Variants in SNTB1 observed in about 807,000 individuals in gnomAD.
The protein encoded by SNTB1 is beta-1-syntrophin.
In SNTB1, 36 loss-of-function variants were observed where a neutral mutation model predicts 48.9. That is an observed-to-expected ratio of 0.74 (90% CI 0.56 to 0.97). SNTB1 has a LOEUF of 0.97. SNTB1 is among the 50% of genes least tolerant of loss of function. The pLI, the probability that SNTB1 is intolerant of heterozygous loss-of-function variation, is 0.00. For missense variants in SNTB1, 786 were observed against 703.4 expected (o/e 1.12, Z -1.33); for synonymous variants, 299 against 294.6 (o/e 1.01, Z -0.15).
At chr8:120,621,138 T>G (rs929077603) in intron 3 of SNTB1, among the ~76,000 whole-genome samples, 1 of 152,082 alleles carries the variant, frequency 6.6e-6, no homozygotes, top group Non-Finnish European at 1.5e-5. Flanking sequence ...TTTTGTATTT[T>G]CAGTAGAGAC....
At chr8:120,612,740 A>C (rs1816646330) in intron 3 of SNTB1, among the ~76,000 whole-genome samples, 2 of 152,174 alleles carry the variant, frequency 1.3e-5, no homozygotes, top group Admixed American at 6.5e-5. Flanking sequence ...TTTAGTAGAG[A>C]CAAAAGTACA....
At chr8:120,747,622 A>G (rs887712823) in intron 1 of SNTB1, among the ~76,000 whole-genome samples, 1 of 152,190 alleles carries the variant, frequency 6.6e-6, no homozygotes, top group Non-Finnish European at 1.5e-5. Flanking sequence ...GAACTAAATG[A>G]TGAGAACACA....
intron 1 of SNTB1, among the ~76,000 whole-genome samples, chr8:120,715,501 C>A (rs1818540015): frequency 6.6e-6 from 1 of 151,214 alleles, no homozygotes; most frequent in Non-Finnish European, 1.5e-5. Context: ...TGGTTAAAAA[C>A]AAAAAAAACA....
intron 1 of SNTB1, among the ~76,000 whole-genome samples, chr8:120,780,449 C>T (rs1819814844): frequency 6.6e-6 from 1 of 152,146 alleles, no homozygotes; most frequent in Non-Finnish European, 1.5e-5. Context: ...TTGAGCAGTG[C>T]TCAAAGAAAC....
At chr8:120,753,908 C>T (rs930423484) in intron 1 of SNTB1, among the ~76,000 whole-genome samples, 7 of 152,030 alleles carry the variant, frequency 4.6e-5, no homozygotes, top group South Asian at 2.1e-4. Flanking sequence ...AAGATAGGAG[C>T]GAATTATTCT....
At chr8:120,762,872 T>C (rs1312415820) in intron 1 of SNTB1, among the ~76,000 whole-genome samples, 1 of 152,284 alleles carries the variant, frequency 6.6e-6, no homozygotes, top group East Asian at 1.9e-4. Context: ...ACAAAATAAC[T>C]AATATTTATC....
intron 3 of SNTB1, among the ~76,000 whole-genome samples, chr8:120,616,087 T>A (rs946031179): frequency 6.6e-6 from 1 of 152,146 alleles, no homozygotes; most frequent in Non-Finnish European, 1.5e-5. Context: ...AACAAACTCT[T>A]GTAGGAGTGA....
intron 1 of SNTB1, among the ~76,000 whole-genome samples, chr8:120,722,423 T>C (rs1313181091): frequency 6.6e-6 from 1 of 152,192 alleles, no homozygotes; most frequent in South Asian, 2.1e-4. Context: ...TCCTGACTTT[T>C]TAATGATTGC....
chr8:120,788,755 G>C (rs986267706), intron 1 of SNTB1, among the ~76,000 whole-genome samples: 3 of 152,032 alleles, frequency 2.0e-5, no homozygotes, highest in Non-Finnish European at 2.9e-5. Flanking sequence ...GTTACTATTA[G>C]ATATATGAAA....
At chr8:120,773,281 G>C (rs1819672495) in intron 1 of SNTB1, among the ~76,000 whole-genome samples, 1 of 152,196 alleles carries the variant, frequency 6.6e-6, no homozygotes, top group South Asian at 2.1e-4. Context: ...ACTTTGGAAA[G>C]CTGAGGTAGG....
At chr8:120,682,962 A>G (rs1817960652) in intron 2 of SNTB1, among the ~76,000 whole-genome samples, 2 of 149,316 alleles carry the variant, frequency 1.3e-5, no homozygotes, top group Non-Finnish European at 3.0e-5. Context: ...GCTCACTGCA[A>G]CCTCCGCCTC....
At chr8:120,635,518 C>T (rs992741086) in intron 2 of SNTB1, 1 of 154,356 alleles carries the variant, frequency 6.5e-6, no homozygotes, top group African/African-American at 2.4e-5. Context: ...AAGCAAAGAA[C>T]TGAAGATAAT....
At chr8:120,688,113 A>G (rs1818063416) in intron 2 of SNTB1, among the ~76,000 whole-genome samples, 1 of 152,210 alleles carries the variant, frequency 6.6e-6, no homozygotes, top group Non-Finnish European at 1.5e-5. Flanking sequence ...ATTAATAGAG[A>G]TGTACACTGT....
At chr8:120,694,051 G>C in intron 1 of SNTB1, 143 bp from the exon 2 acceptor site, 1 of 688,004 alleles carries the variant, frequency 1.5e-6, no homozygotes, top group Non-Finnish European at 2.5e-6. Flanking sequence ...TTGAATTTTT[G>C]TTCCACTCAA....
Position 120,693,919 on chromosome 8 carries a change from A to T in SNTB1, c.572-11T>A. ...CTCGCATGTACTTCACTGCAAGGAA[A>T]AAGACAACAAGTGCTTTTAATACAT... On this transcript the variant is annotated splice_polypyrimidine_tract_variant and intron_variant, in intron 1 of 6. Coordinates refer to ENST00000517992, the MANE Select transcript of SNTB1 (RefSeq NM_021021.4). 1 of 1,604,616 alleles carries T rather than the reference A, an allele frequency of 6.2e-7. No homozygotes were observed. Among genetic ancestry groups the T allele is most frequent in the Non-Finnish European group, 8.5e-7 (1 of 1,171,554 alleles).
chr8:120,570,228 A>T (rs1815821649), intron 4 of SNTB1: 1 of 152,246 alleles, frequency 6.6e-6, no homozygotes, highest in South Asian at 2.1e-4. Flanking sequence ...GTGTCCTCAC[A>T]GAAATTTGGT....
intron 3 of SNTB1, among the ~76,000 whole-genome samples, chr8:120,577,248 T>C (rs1815965711): frequency 6.6e-6 from 1 of 152,196 alleles, no homozygotes. Flanking sequence ...TCTGAAGAAG[T>C]GCCCTCCCCG....
intron 2 of SNTB1, among the ~76,000 whole-genome samples, chr8:120,680,214 T>C (rs1817907277): frequency 6.6e-6 from 1 of 152,182 alleles, no homozygotes; most frequent in Non-Finnish European, 1.5e-5. Flanking sequence ...CCTCATTGTC[T>C]TTCTATGATA....
chr8:120,719,173 T>A (rs1177954746), intron 1 of SNTB1, among the ~76,000 whole-genome samples: 2 of 152,122 alleles, frequency 1.3e-5, no homozygotes, highest in Non-Finnish European at 2.9e-5. Flanking sequence ...AAGGTTAACA[T>A]TTGAGTCAGT....
Sources: allele counts gnomAD v4.1 joint callset (sites outside exome capture counted in the v4.1 genomes callset), GRCh38; gene constraint gnomAD v4.1.1; transcripts MANE v1.5; gene names NCBI Gene and HGNC (gene_info 2026-07-23, HGNC 2026-07-21).